The following GLRX3 variants were observed in gnomAD, a reference collection of about 807,000 sequenced individuals.
GLRX3 encodes glutaredoxin-3.
A neutral mutation model predicts 49.5 loss-of-function variants in GLRX3; 22 were observed. That is an observed-to-expected ratio of 0.44 (90% confidence interval 0.32 to 0.63). The LOEUF is 0.63. Among genes scored for constraint, GLRX3 ranks in the 30% least tolerant of loss-of-function variants. The pLI is 0.05. For synonymous variants in GLRX3, 133 were observed against 140.0 expected (o/e 0.95, Z 0.35); for missense variants, 385 against 396.3 (o/e 0.97, Z 0.24).
chr10:130,177,390 C>T (rs956988609), intron 10 of GLRX3, among the ~76,000 whole-genome samples: 4 of 152,160 alleles, frequency 2.6e-5, no homozygotes, highest in African/African-American at 7.2e-5. Flanking sequence ...TTCCACCTGC[C>T]GGCTCGCATT....
Position 130,179,413 on chromosome 10 carries a change from C to T in GLRX3, c.*21C>T, listed in dbSNP as rs972164943. ...ATTAATAAATCTTAAACTTGGTGCC[C>T]AACTATTGTAAGAAATATTTAATTA... On this transcript the variant is annotated 3_prime_UTR_variant, in exon 11 of 11. Transcript: ENST00000331244. 7.6e-7 allele frequency: 1 copy of T among 1,308,466 alleles called. No individual in the cohort carries two copies. The highest frequency in any genetic ancestry group is 2.3e-5 in the East Asian group (1 of 42,574). 81.1% of individuals were successfully genotyped at this position (1,308,466 alleles called of 1,614,324 possible).
At chr10:130,178,787 C>G (rs1565002486) in intron 10 of GLRX3, among the ~76,000 whole-genome samples, 1 of 152,130 alleles carries the variant, frequency 6.6e-6, no homozygotes, top group Admixed American at 6.5e-5. Flanking sequence ...ACTACAATCT[C>G]CACCTCCCGG....
At chr10:130,137,035 A>G (rs549250441) in intron 1 of GLRX3, among the ~76,000 whole-genome samples, 1 of 152,356 alleles carries the variant, frequency 6.6e-6, no homozygotes, top group South Asian at 2.1e-4. Flanking sequence ...CCCCTGTCGC[A>G]GGAAGAGCGG....
intron 10 of GLRX3, among the ~76,000 whole-genome samples, chr10:130,175,644 G>T (rs1026569233): frequency 6.6e-6 from 1 of 152,206 alleles, no homozygotes; most frequent in Non-Finnish European, 1.5e-5. Context: ...TGTATTTTAG[G>T]AGTTCAGTAA....
chr10:130,169,024 G>A (rs982806778), intron 6 of GLRX3, among the ~76,000 whole-genome samples: 10 of 152,102 alleles, frequency 6.6e-5, no homozygotes, highest in African/African-American at 2.2e-4. Flanking sequence ...CCTGCAGTCC[G>A]ACCTTGTGAG....
In GLRX3 at chr10:130,142,951, C is replaced by T. The variant is rs529196910; in HGVS notation, c.93-2260C>T. On this transcript the variant is annotated intron_variant, in intron 1 of 10. Transcript: ENST00000331244. ...CTCTGTGTCCCTCTGTAACCCTTTG[C>T]GGTGTGGTGCTGGCACTGTTCCTTT... Among the ~76,000 whole-genome samples, 25 of 152,324 alleles carry T rather than the reference C, an allele frequency of 1.6e-4. No homozygotes were observed. The East Asian group carries it at 2.3e-3, about 14-fold the overall frequency.
intron 8 of GLRX3, among the ~76,000 whole-genome samples, chr10:130,173,530 T>C (rs7913597): frequency 0.46 from 70,193 of 152,034 alleles, 16,442 homozygotes; most frequent in South Asian, 0.53. Context: ...GCATGAGTGG[T>C]TGAGAACCAA....
intron 4 of GLRX3, among the ~76,000 whole-genome samples, chr10:130,163,092 T>G (rs1862608247): frequency 6.6e-6 from 1 of 152,210 alleles, no homozygotes; most frequent in African/African-American, 2.4e-5. Flanking sequence ...GAGTGAGATT[T>G]GGAAGACTGT....
intron 1 of GLRX3, among the ~76,000 whole-genome samples, chr10:130,141,206 GCTGAGGTGGGAGGATCAC>G (rs1331783278): frequency 6.6e-6 from 1 of 152,076 alleles, no homozygotes; most frequent in African/African-American, 2.4e-5. Flanking sequence ...AGTCTGGGAG[GCTGAGGTGGGAGGATCAC>G]CTGAGCCCAG....
At position 130,175,105 on chromosome 10, in the gene GLRX3, C is replaced by T. The variant is rs1342253146; in HGVS notation, c.957+16C>T. 5 of 1,325,868 alleles carry T rather than the reference C, an allele frequency of 3.8e-6. No individual in the cohort carries two copies. The highest frequency in any genetic ancestry group is 2.9e-5 in the African/African-American group (2 of 69,440). The allele number at this position is 1,325,868 out of a possible 1,614,324, so 82.1% of individuals were successfully genotyped here. A position where few individuals can be genotyped will look rare whatever the true frequency, so the allele number is the denominator to read the frequency against. On this transcript the variant is annotated intron_variant, in intron 10 of 10. Coordinates refer to ENST00000331244, the MANE Select transcript of GLRX3 (RefSeq NM_006541.5). ...TATTGTGAAGGTAAGGCCAGTTCTT[C>T]TGCTGTTCTAAAGAACGGAAAAGAT... is the stretch of plus-strand genomic sequence containing the variant.
intron 1 of GLRX3, among the ~76,000 whole-genome samples, chr10:130,137,586 C>T (rs926487484): frequency 3.3e-5 from 5 of 152,126 alleles, no homozygotes; most frequent in African/African-American, 1.2e-4. Flanking sequence ...CCTGTTAGTA[C>T]CTCAGGGTTG....
At position 130,142,058 on chromosome 10, in the gene GLRX3, C is replaced by T. The variant is rs555258185; in HGVS notation, c.93-3153C>T. On this transcript the variant is annotated intron_variant, in intron 1 of 10. Transcript: ENST00000331244. ...TCTCTGCCGTGGACCTGAGGCCCCA[C>T]CTACTCAACCATTGAAGCTGCTGAG... Among the ~76,000 whole-genome samples the T allele has an allele frequency of 3.2e-4, 49 of 152,178 alleles. 1 individual carries two copies. The highest frequency in any genetic ancestry group is 6.9e-4 in the Non-Finnish European group (47 of 68,038).
At chr10:130,150,676 A>G (rs532893432) in intron 2 of GLRX3, among the ~76,000 whole-genome samples, 9 of 152,368 alleles carry the variant, frequency 5.9e-5, no homozygotes, top group African/African-American at 2.2e-4. Context: ...CTGTACAATC[A>G]TTATAAATGT....
Position 130,151,189 on chromosome 10 carries a change from G to A in GLRX3, c.201+5870G>A, listed in dbSNP as rs186235582. ...GATCCGCCTGCCTCGGCCTCCCAAA[G>A]TGCTGGGATTACAGGCATGAGCCAT... is the stretch of plus-strand genomic sequence containing the variant. On this transcript the variant is annotated intron_variant, in intron 2 of 10. Transcript: ENST00000331244. 4.3e-3 allele frequency among the ~76,000 whole-genome samples: 661 copies of A among 152,114 alleles called. 5 individuals carry two copies. Among genetic ancestry groups the A allele is most frequent in the Middle Eastern group, 0.024 (7 of 294 alleles).
chr10:130,176,744 C>T (rs1338714474), intron 10 of GLRX3, among the ~76,000 whole-genome samples: 1 of 140,388 alleles, frequency 7.1e-6, no homozygotes, highest in Non-Finnish European at 1.5e-5. Flanking sequence ...TTCCCTCCCT[C>T]CCTCCTTCCC....
At chr10:130,151,297 A>C (rs1343371163) in intron 2 of GLRX3, among the ~76,000 whole-genome samples, 1 of 152,238 alleles carries the variant, frequency 6.6e-6, no homozygotes, top group Non-Finnish European at 1.5e-5. Flanking sequence ...AAAAAAACCC[A>C]AAATTAACAT....
rs754271680 is a variant in GLRX3, at chr10:130,145,283, G to A, written c.165G>A (p.Glu55=). 5 of 1,548,860 alleles carry A rather than the reference G, an allele frequency of 3.2e-6. No homozygotes were observed. Among genetic ancestry groups the A allele is most frequent in the Non-Finnish European group, 3.6e-6 (4 of 1,121,044 alleles). The change falls in exon 2 of 11, where the codon GAG becomes GAA. Residue 55 remains glutamate (E), a synonymous_variant. Transcript: ENST00000331244. Reference sequence around the variant, plus strand: ...CACAGATGAACGAAGTTATGGCAGAGTTAGCTAAAGAACTCCCTCAAGTTT... The same window carrying A: ...CACAGATGAACGAAGTTATGGCAGAATTAGCTAAAGAACTCCCTCAAGTTT... ...QCAQMNEVMA[E]LAKELPQVSF... is the part of the protein sequence containing the mutation.
intron 4 of GLRX3, among the ~76,000 whole-genome samples, chr10:130,165,123 T>C (rs991956060): frequency 2.0e-5 from 3 of 152,206 alleles, no homozygotes; most frequent in South Asian, 2.1e-4. Flanking sequence ...ATTAATCTTA[T>C]ATTGAATTTT....
chr10:130,157,090 A>G (rs978186615), intron 2 of GLRX3, among the ~76,000 whole-genome samples: 6 of 152,166 alleles, frequency 3.9e-5, no homozygotes, highest in African/African-American at 1.4e-4. Flanking sequence ...AGGGTTCTCT[A>G]GAGAAACAGA....
Sources: gnomAD v4.1 joint callset for allele counts (sites outside exome capture counted in the v4.1 genomes callset) on GRCh38, gnomAD v4.1.1 for gene constraint, MANE v1.5 for transcripts, NCBI Gene and HGNC (gene_info 2026-07-23, HGNC 2026-07-21) for gene names.